The following ENOX1 variants were observed in gnomAD, a reference collection of about 807,000 sequenced individuals.
ENOX1 encodes candidate growth-related and time keeping constitutive hydroquinone (NADH) oxidase.
ENOX1 carries 42 observed loss-of-function variants against 82.5 expected under a neutral mutation model. The observed-to-expected ratio is 0.51, with a 90% confidence interval of 0.40 to 0.66. The LOEUF (loss-of-function observed/expected upper bound fraction) is 0.66. Among genes scored for constraint, ENOX1 ranks in the 30% least tolerant of loss-of-function variants. ENOX1 has a pLI of 0.00. For missense variants in ENOX1, 608 were observed against 811.6 expected (o/e 0.75, Z 3.05); for synonymous variants, 271 against 282.2 (o/e 0.96, Z 0.40).
chr13:43,719,147 G>C (rs1028207581), intron 1 of ENOX1, among the ~76,000 whole-genome samples: 1 of 152,094 alleles, frequency 6.6e-6, no homozygotes, highest in African/African-American at 2.4e-5. Flanking sequence ...TTCCCTGAAG[G>C]TCTGGAGCTA....
chr13:43,337,943 G>C (rs1220111112), intron 9 of ENOX1, among the ~76,000 whole-genome samples: 1 of 152,054 alleles, frequency 6.6e-6, no homozygotes, highest in Non-Finnish European at 1.5e-5. Context: ...TATAATTTCT[G>C]CTTTTTATCC....
chr13:43,322,693 T>G (rs1045174719), intron 10 of ENOX1, among the ~76,000 whole-genome samples, 192 bp from the exon 11 acceptor site: 2 of 152,228 alleles, frequency 1.3e-5, no homozygotes, highest in African/African-American at 4.8e-5. Flanking sequence ...AGGCTTAGAT[T>G]AATCCCTGCT....
chr13:43,252,960 ATTTAAACATAT>A (rs1340021912), intron 14 of ENOX1, among the ~76,000 whole-genome samples: 2 of 152,188 alleles, frequency 1.3e-5, no homozygotes, highest in Admixed American at 6.5e-5. Flanking sequence ...GTTGTGGGAA[ATTTAAACATAT>A]TTATTGCCAA....
intron 2 of ENOX1, among the ~76,000 whole-genome samples, chr13:43,499,544 A>C (rs1009959074): frequency 2.0e-5 from 3 of 152,220 alleles, no homozygotes; most frequent in African/African-American, 7.2e-5. Flanking sequence ...AGCCCTCATC[A>C]ACAGGGCCAC....
intron 2 of ENOX1, among the ~76,000 whole-genome samples, chr13:43,661,931 A>C (rs901308442): frequency 2.0e-5 from 3 of 152,176 alleles, no homozygotes; most frequent in Non-Finnish European, 4.4e-5. Context: ...AGCCAAATGT[A>C]AAAAAATCCA....
intron 2 of ENOX1, among the ~76,000 whole-genome samples, chr13:43,610,171 G>T (rs1419942088): frequency 6.6e-6 from 1 of 152,200 alleles, no homozygotes; most frequent in Non-Finnish European, 1.5e-5. Flanking sequence ...GGTCCAGATA[G>T]TTCTCCAACA....
Position 43,425,588 on chromosome 13 carries a change from G to GTCTTACA in ENOX1, c.-74-12601_-74-12600insTGTAAGA, listed in dbSNP as rs1471614018. Among the ~76,000 whole-genome samples the GTCTTACA allele has an allele frequency of 6.6e-5, 10 of 152,260 alleles. No individual in the cohort carries two copies. In the East Asian group the frequency reaches 1.9e-3, roughly 29 times the overall value. On this transcript the variant is annotated intron_variant, in intron 3 of 16. Coordinates refer to ENST00000690772, the MANE Select transcript of ENOX1 (RefSeq NM_001347969.2). The stretch of plus-strand genomic sequence containing the variant: ...TTCTACTACAGTCTTACAGACCAAA[G>GTCTTACA]GACCCATCTGCCTCTGAGCAACTAG...
chr13:43,298,051 G>C (rs570674823), intron 12 of ENOX1, among the ~76,000 whole-genome samples: 2 of 152,222 alleles, frequency 1.3e-5, no homozygotes, highest in African/African-American at 2.4e-5. Flanking sequence ...GGATCTGCTA[G>C]GTATTTGCCA....
chr13:43,417,269 G>A (rs1012293881), intron 3 of ENOX1, among the ~76,000 whole-genome samples: 2 of 150,942 alleles, frequency 1.3e-5, no homozygotes, highest in Non-Finnish European at 3.0e-5. Context: ...GAGGGAGAGG[G>A]CCAATCTAAT....
chr13:43,711,576 G>A (rs1203143032), intron 1 of ENOX1, among the ~76,000 whole-genome samples: 1 of 151,984 alleles, frequency 6.6e-6, no homozygotes, highest in Admixed American at 6.6e-5. Flanking sequence ...ATCCTCTCCA[G>A]CACCTGTTGT....
At chr13:43,642,004 G>C (rs578064199) in intron 2 of ENOX1, among the ~76,000 whole-genome samples, 3 of 152,230 alleles carry the variant, frequency 2.0e-5, no homozygotes, top group African/African-American at 7.2e-5. Flanking sequence ...CACTCACTTT[G>C]TAAGGTGCTT....
intron 3 of ENOX1, among the ~76,000 whole-genome samples, chr13:43,433,965 C>G (rs1002141318): frequency 1.3e-5 from 2 of 152,196 alleles, no homozygotes; most frequent in African/African-American, 2.4e-5. Context: ...AGAGATGGGC[C>G]AGCAAGATAT....
At chr13:43,639,495 C>T (rs1786205418) in intron 2 of ENOX1, among the ~76,000 whole-genome samples, 1 of 152,098 alleles carries the variant, frequency 6.6e-6, no homozygotes, top group Non-Finnish European at 1.5e-5. Context: ...GATTCAATTC[C>T]TATTTATCAA....
chr13:43,324,405 C>A (rs1229900739), intron 10 of ENOX1, among the ~76,000 whole-genome samples: 1 of 152,104 alleles, frequency 6.6e-6, no homozygotes, highest in African/African-American at 2.4e-5. Context: ...TCTGGTTCAG[C>A]ATTAAATCAC....
chr13:43,243,760 C>T (rs758749105), intron 14 of ENOX1, among the ~76,000 whole-genome samples: 6 of 152,192 alleles, frequency 3.9e-5, no homozygotes, highest in Non-Finnish European at 7.3e-5. Context: ...TGATAACCTA[C>T]AGGAAAAAGT....
At chr13:43,579,442 G>A (rs1319629369) in intron 2 of ENOX1, among the ~76,000 whole-genome samples, 3 of 152,204 alleles carry the variant, frequency 2.0e-5, no homozygotes, top group East Asian at 3.9e-4. Context: ...AAGCTGAGAA[G>A]TACACAGTAC....
chr13:43,539,889 C>G (rs1265069438), intron 2 of ENOX1, among the ~76,000 whole-genome samples: 2 of 152,122 alleles, frequency 1.3e-5, no homozygotes, highest in Non-Finnish European at 2.9e-5. Context: ...AAAGCTTTCA[C>G]ACTTGTAAAA....
chr13:43,592,665 GGGAA>G (rs977971329), intron 2 of ENOX1, among the ~76,000 whole-genome samples: 3 of 152,082 alleles, frequency 2.0e-5, no homozygotes, highest in Non-Finnish European at 4.4e-5. Context: ...ATAGAAGGAA[GGGAA>G]GGAAGGAAGA....
At position 43,528,908 on chromosome 13, in the gene ENOX1, C is replaced by T. The variant is rs114557526; in HGVS notation, c.-218-44756G>A. Among the ~76,000 whole-genome samples, 422 of 151,966 alleles carry T rather than the reference C, an allele frequency of 2.8e-3. 1 individual carries two copies. The highest frequency in any genetic ancestry group is 9.8e-3 in the African/African-American group (405 of 41,442). On this transcript the variant is annotated intron_variant, in intron 2 of 16. Transcript: ENST00000690772. ...TAATCTGAAGGCACAAATCTGTCTT[C>T]GATTTAGAGAAATTATCTTATTTAT... is the stretch of plus-strand genomic sequence containing the variant.
Sources: allele counts gnomAD v4.1 joint callset (sites outside exome capture counted in the v4.1 genomes callset), GRCh38; gene constraint gnomAD v4.1.1; transcripts MANE v1.5; gene names NCBI Gene and HGNC (gene_info 2026-07-23, HGNC 2026-07-21).